Variants in IBSP observed in about 807,000 individuals in gnomAD.
The protein encoded by IBSP is integrin-binding sialoprotein.
In IBSP, 19 loss-of-function variants were observed where a neutral mutation model predicts 25.5. That is an observed-to-expected ratio of 0.74 (90% confidence interval 0.52 to 1.09). IBSP has a LOEUF of 1.09. Among genes scored for constraint, IBSP ranks in the 50% least tolerant of loss-of-function variants. The probability of loss-of-function intolerance (pLI) is 0.00; values close to 1 mark genes in which losing one functional copy is unlikely to be tolerated. For synonymous variants in IBSP, 144 were observed against 137.6 expected (o/e 1.05, Z -0.33); for missense variants, 360 against 382.3 (o/e 0.94, Z 0.49).
chr4:87,809,299 A>G (rs1722136490), intron 5 of IBSP, among the ~76,000 whole-genome samples: 1 of 152,238 alleles, frequency 6.6e-6, no homozygotes, highest in Non-Finnish European at 1.5e-5. Flanking sequence ...AAGGTGTAAG[A>G]GAAAATATAA....
At chr4:87,806,292 A>T in intron 5 of IBSP, 108 bp downstream of exon 5, 1 of 777,404 alleles carries the variant, frequency 1.3e-6, no homozygotes, top group Admixed American at 2.7e-5. Flanking sequence ...TCACTTTACT[A>T]ACTGCCCATA....
At chr4:87,803,334 CA>C (rs1467475160) in intron 4 of IBSP, among the ~76,000 whole-genome samples, 1 of 151,734 alleles carries the variant, frequency 6.6e-6, no homozygotes, top group East Asian at 1.9e-4. Context: ...TCATGACGTG[CA>C]CCAAAAAAGC....
Position 87,811,488 on chromosome 4 carries a change from G to C in IBSP, c.532G>C (p.Gly178Arg). 1.2e-6 allele frequency: 2 copies of C among 1,613,874 alleles called. No individual in the cohort carries two copies. The highest frequency in any genetic ancestry group is 1.7e-6 in the Non-Finnish European group (2 of 1,179,944). The change falls in exon 7 of 7, where the codon GGC becomes CGC. Residue 178 changes from glycine (G) to arginine (R), a missense_variant. Physicochemically the swap from Gly to Arg is moderately radical, Grantham distance 125. Coordinates refer to ENST00000226284, the MANE Select transcript of IBSP (RefSeq NM_004967.4). Reference protein sequence around the residue: ...EVDENEQGINGTSTNSTEAEN... With the variant: ...EVDENEQGINRTSTNSTEAEN... ...GGATGAAAACGAACAAGGCATAAACGGCACCAGTACCAACAGCACAGAGGC... is the reference window on the plus strand; with the variant it reads ...GGATGAAAACGAACAAGGCATAAACCGCACCAGTACCAACAGCACAGAGGC...
rs1042827878 is a variant in IBSP at position 87,812,294 on chromosome 4, A to G, written c.*384A>G. ...ATTTCATTGACATTAATGACACTGT[A>G]TACAATAAATGTGTAGTTTCTTAAT... On this transcript the variant is annotated 3_prime_UTR_variant, in exon 7 of 7. Transcript: ENST00000226284. 1 of 173,640 alleles carries G rather than the reference A, an allele frequency of 5.8e-6. No homozygotes were observed. The highest frequency in any genetic ancestry group is 1.9e-4 in the South Asian group (1 of 5,148). The allele number at this position is 173,640 out of a possible 1,614,324, so 10.8% of individuals were successfully genotyped here.
chr4:87,799,867 T>C (rs1379886245), intron 1 of IBSP, among the ~76,000 whole-genome samples: 1 of 152,224 alleles, frequency 6.6e-6, no homozygotes, highest in Non-Finnish European at 1.5e-5. Flanking sequence ...TACATTATGC[T>C]TCTTACTTTC....
chr4:87,802,282 T>A, intron 1 of IBSP, 66 bp from the exon 2 acceptor site: 2 of 921,132 alleles, frequency 2.2e-6, no homozygotes, highest in Non-Finnish European at 3.4e-6. Flanking sequence ...CATCTTTGAA[T>A]ATGAGTAAAA....
At chr4:87,808,010 G>C (rs1324298047) in intron 5 of IBSP, among the ~76,000 whole-genome samples, 6 of 152,154 alleles carry the variant, frequency 3.9e-5, no homozygotes, top group Non-Finnish European at 8.8e-5. Context: ...TCATCCTGAA[G>C]AGATTCTGAA....
rs950576024 is a variant in IBSP, at chr4:87,802,809, C to A, written c.183+78C>A. 6 of 907,796 alleles carry A rather than the reference C, an allele frequency of 6.6e-6. No homozygotes were observed. The African/African-American group carries it at 1.0e-4, about 16-fold the overall frequency. 56.2% of individuals were successfully genotyped at this position (907,796 alleles called of 1,614,324 possible). On this transcript the variant is annotated intron_variant, in intron 4 of 6. Coordinates refer to ENST00000226284, the MANE Select transcript of IBSP (RefSeq NM_004967.4). The stretch of plus-strand genomic sequence containing the variant: ...GAGATCAAATTTTAACTATAAAACA[C>A]CTAAATTCAACTCTCACTGAAATTC...
At chr4:87,801,569 C>T (rs1722017934) in intron 1 of IBSP, among the ~76,000 whole-genome samples, 2 of 151,914 alleles carry the variant, frequency 1.3e-5, no homozygotes, top group Non-Finnish European at 2.9e-5. Context: ...AGGAAAATTG[C>T]TCCTACTTTC....
At chr4:87,811,268 A>G in intron 6 of IBSP, 94 bp from the exon 7 acceptor site, 1 of 1,392,006 alleles carries the variant, frequency 7.2e-7, no homozygotes, top group Non-Finnish European at 9.7e-7. Context: ...GACGCCTAGA[A>G]TAAGGCTGTC....
rs757038225 is a variant in IBSP at position 87,804,857 on chromosome 4, T to C, written c.184-1265T>C. Among the ~76,000 whole-genome samples the C allele has an allele frequency of 2.4e-4, 37 of 152,324 alleles. 1 individual carries two copies. The highest frequency in any genetic ancestry group is 3.4e-3 in the Middle Eastern group (1 of 294). ...AGAGGTGAAGGAGCATGTGAAGTGA[T>C]TGAAATACCCCCACTGAGAGAAACA... On this transcript the variant is annotated intron_variant, in intron 4 of 6. Coordinates refer to ENST00000226284, the MANE Select transcript of IBSP (RefSeq NM_004967.4).
In IBSP at chr4:87,810,631, A is replaced by G. The variant is rs543148021; in HGVS notation, c.272A>G (p.Asn91Ser). The change falls in exon 6 of 7, where the codon AAT becomes AGT. Residue 91 changes from asparagine to serine, a missense_variant. Physicochemically the swap from Asn to Ser is conservative, Grantham distance 46. Coordinates refer to ENST00000226284, the MANE Select transcript of IBSP (RefSeq NM_004967.4). ...GAGACTTCAAATGAAGGAGAAAACA[A>G]TGAAGAATCGAATGAAGATGAAGAC... ...EEETSNEGEN[N>S]EESNEDEDSE... 2 of 1,613,174 alleles carry G rather than the reference A, an allele frequency of 1.2e-6. No homozygotes were observed. Among genetic ancestry groups the G allele is most frequent in the African/African-American group, 1.3e-5 (1 of 75,054 alleles).
At chr4:87,808,981 C>T (rs930073747) in intron 5 of IBSP, among the ~76,000 whole-genome samples, 3 of 152,198 alleles carry the variant, frequency 2.0e-5, no homozygotes, top group East Asian at 1.9e-4. Context: ...ATTTCGGAGT[C>T]GAAATCTACT....
chr4:87,806,245 T>C, intron 5 of IBSP, 61 bp downstream of exon 5: 1 of 1,266,106 alleles, frequency 7.9e-7, no homozygotes, highest in Non-Finnish European at 1.1e-6. Context: ...AATAGGAAAC[T>C]AGTCTATTGC....
chr4:87,802,758 A>T (rs1285905584), intron 4 of IBSP, 27 bp downstream of exon 4: 1 of 1,394,234 alleles, frequency 7.2e-7, no homozygotes, highest in East Asian at 2.5e-5. Context: ...ATTTTTCTTC[A>T]GTTTAATTTC....
chr4:87,812,244 CTT>C lies in IBSP; in HGVS notation c.*336_*337del, dbSNP rs1270781851. On this transcript the variant is annotated 3_prime_UTR_variant, in exon 7 of 7. Coordinates refer to ENST00000226284, the MANE Select transcript of IBSP (RefSeq NM_004967.4). ...GTATTGCTAACTGCAAAAACATACT[CTT>C]TGTACAAGAAGTGCTTCTAAGAATT... The C allele has an allele frequency of 4.4e-6, 1 of 225,868 alleles. No individual in the cohort carries two copies. Among genetic ancestry groups the C allele is most frequent in the Non-Finnish European group, 8.5e-6 (1 of 117,294 alleles). 14.0% of individuals were successfully genotyped at this position (225,868 alleles called of 1,614,324 possible).
intron 4 of IBSP, among the ~76,000 whole-genome samples, chr4:87,804,581 G>A (rs1040380944): frequency 4.6e-5 from 7 of 151,914 alleles, no homozygotes; most frequent in Non-Finnish European, 7.4e-5. Flanking sequence ...TTCCTTTATC[G>A]GACTCATCTC....
chr4:87,810,284 A>G (rs930496307), intron 5 of IBSP, among the ~76,000 whole-genome samples: 1 of 152,226 alleles, frequency 6.6e-6, no homozygotes, highest in Non-Finnish European at 1.5e-5. Flanking sequence ...AATTTCTTAG[A>G]GTGTTTAGTT....
intron 5 of IBSP, among the ~76,000 whole-genome samples, chr4:87,807,752 A>C (rs1381965): frequency 0.23 from 34,744 of 152,128 alleles, 4,458 homozygotes; most frequent in East Asian, 0.44. Flanking sequence ...GGATCTCTGA[A>C]CATTTAAGGT....
Sources: allele counts gnomAD v4.1 joint callset (sites outside exome capture counted in the v4.1 genomes callset), GRCh38; gene constraint gnomAD v4.1.1; transcripts MANE v1.5; gene names NCBI Gene and HGNC (gene_info 2026-07-23, HGNC 2026-07-21).